PRKG1: variants seen among roughly 807,000 people sequenced by gnomAD.
PRKG1 encodes protein kinase cGMP-dependent 1.
In PRKG1, 35 loss-of-function variants were observed where a neutral mutation model predicts 88.1. That is an observed-to-expected ratio of 0.40 (90% CI 0.30 to 0.53). The LOEUF (loss-of-function observed/expected upper bound fraction) is 0.53. Ranked by LOEUF, PRKG1 falls within the 20% of genes least tolerant of loss-of-function variation. The pLI is 0.59. For synonymous variants in PRKG1, 303 were observed against 292.5 expected (o/e 1.04, Z -0.37); for missense variants, 540 against 839.8 (o/e 0.64, Z 4.41).
intron 3 of PRKG1, among the ~76,000 whole-genome samples, chr10:51,668,913 G>A (rs921792136): frequency 6.6e-6 from 1 of 151,990 alleles, no homozygotes; most frequent in Non-Finnish European, 1.5e-5. Flanking sequence ...GCTTTAGACG[G>A]AAGTGCTTAC....
chr10:51,608,185 A>G (rs1411556579), intron 3 of PRKG1, among the ~76,000 whole-genome samples: 1 of 149,932 alleles, frequency 6.7e-6, no homozygotes, highest in Non-Finnish European at 1.5e-5. Context: ...TGCATATACT[A>G]TAACCGTAAT....
At chr10:51,660,111 AAGG>A (rs1287344861) in intron 3 of PRKG1, among the ~76,000 whole-genome samples, 1 of 140,806 alleles carries the variant, frequency 7.1e-6, no homozygotes. Flanking sequence ...ATTCTCAAAG[AAGG>A]CCTAGGGAAG....
In PRKG1 at chr10:51,865,136, A is replaced by G. The variant is rs560158304; in HGVS notation, c.699-42371A>G. On this transcript the variant is annotated intron_variant, in intron 4 of 17. Coordinates refer to ENST00000373980, the MANE Select transcript of PRKG1 (RefSeq NM_006258.4). The stretch of plus-strand genomic sequence containing the variant: ...TTGCTGAATATCAGAGAATACTTGT[A>G]TTTCTTCAAAATCTAATCATTAAAG... Among the ~76,000 whole-genome samples the G allele has an allele frequency of 1.1e-4, 17 of 152,246 alleles. 1 individual carries two copies. In the South Asian group the frequency reaches 3.5e-3, roughly 32 times the overall value.
At chr10:51,986,937 AT>A (rs975267499) in intron 5 of PRKG1, among the ~76,000 whole-genome samples, 3 of 151,436 alleles carry the variant, frequency 2.0e-5, no homozygotes, top group African/African-American at 4.9e-5. Context: ...GTCTGTCAAG[AT>A]TTTTTTTTCA....
intron 7 of PRKG1, among the ~76,000 whole-genome samples, chr10:52,104,786 CAGT>C (rs1847375777): frequency 6.6e-6 from 1 of 152,158 alleles, no homozygotes; most frequent in South Asian, 2.1e-4. Flanking sequence ...GCTACCCTAT[CAGT>C]GGCACGTAAC....
chr10:51,613,880 T>C (rs1387238890), intron 3 of PRKG1, among the ~76,000 whole-genome samples: 3 of 151,918 alleles, frequency 2.0e-5, no homozygotes, highest in African/African-American at 7.2e-5. Context: ...TTAAAATTTG[T>C]TTAGACTTCT....
At chr10:51,073,488 C>T (rs551935536), upstream of PRKG1, among the ~76,000 whole-genome samples, 4 of 152,226 alleles carry the variant, frequency 2.6e-5, no homozygotes, top group African/African-American at 9.6e-5. Context: ...CCCCCACCCT[C>T]TCCCCGCCAA....
intron 5 of PRKG1, among the ~76,000 whole-genome samples, chr10:51,992,493 T>A (rs571547236): frequency 1.3e-5 from 2 of 149,076 alleles, no homozygotes; most frequent in African/African-American, 5.1e-5. Context: ...AACTATAACA[T>A]TTTTTTTTCC....
intron 4 of PRKG1, among the ~76,000 whole-genome samples, chr10:51,845,781 A>G: frequency 6.6e-6 from 1 of 152,236 alleles, no homozygotes; most frequent in East Asian, 1.9e-4. Flanking sequence ...AAGGGTTGTC[A>G]TACTTGCTAA....
chr10:51,764,145 A>G (rs1446479602), intron 3 of PRKG1, among the ~76,000 whole-genome samples: 1 of 152,212 alleles, frequency 6.6e-6, no homozygotes, highest in Admixed American at 6.5e-5. Context: ...TCAGGATTAC[A>G]GGCTTTTCCC....
At chr10:51,979,328 G>A (rs1454700535) in intron 5 of PRKG1, among the ~76,000 whole-genome samples, 2 of 146,648 alleles carry the variant, frequency 1.4e-5, no homozygotes, top group Non-Finnish European at 3.0e-5. Flanking sequence ...TGATGGATAC[G>A]CTTTTTGATG....
intron 5 of PRKG1, among the ~76,000 whole-genome samples, chr10:52,026,017 A>T (rs1202779219): frequency 6.6e-6 from 1 of 151,940 alleles, no homozygotes; most frequent in Non-Finnish European, 1.5e-5. Context: ...AATGCCACAC[A>T]TCTACAACCA....
intron 3 of PRKG1, among the ~76,000 whole-genome samples, chr10:51,608,638 A>G (rs1005641179): frequency 1.3e-5 from 2 of 152,226 alleles, no homozygotes; most frequent in Admixed American, 6.5e-5. Flanking sequence ...GATGGTCAGT[A>G]TCTAGTGTTA....
chr10:51,309,751 C>A (rs1841135853), intron 2 of PRKG1, among the ~76,000 whole-genome samples: 1 of 151,550 alleles, frequency 6.6e-6, no homozygotes, highest in Non-Finnish European at 1.5e-5. Flanking sequence ...GGGTATCTAC[C>A]CAAAGGAAAA....
At chr10:51,569,103 G>T (rs1275378559) in intron 3 of PRKG1, among the ~76,000 whole-genome samples, 1 of 151,944 alleles carries the variant, frequency 6.6e-6, no homozygotes, top group Admixed American at 6.6e-5. Context: ...GCAGAGTTTT[G>T]ATTTCTTCTT....
At chr10:51,029,878 A>T (rs1351703869) in intron 1 of PRKG1, among the ~76,000 whole-genome samples, 2 of 152,128 alleles carry the variant, frequency 1.3e-5, no homozygotes, top group Admixed American at 1.3e-4. Context: ...AACCTGGGGC[A>T]AGTAGGATAA....
intron 2 of PRKG1, among the ~76,000 whole-genome samples, chr10:51,251,342 A>G (rs1304679013): frequency 6.6e-6 from 1 of 151,768 alleles, no homozygotes; most frequent in African/African-American, 2.4e-5. Context: ...TCCTCTTAAA[A>G]GCATTTTTTA....
intron 9 of PRKG1, among the ~76,000 whole-genome samples, chr10:52,188,279 C>CATATATAT (rs1429310173): frequency 9.3e-6 from 1 of 107,326 alleles, no homozygotes; most frequent in African/African-American, 3.8e-5. Context: ...TATATATATA[C>CATATATAT]ATATATATGT....
chr10:52,168,339 G>A (rs151311043), intron 9 of PRKG1, among the ~76,000 whole-genome samples: 81 of 152,136 alleles, frequency 5.3e-4, no homozygotes, highest in Non-Finnish European at 8.7e-4. Flanking sequence ...TCTAGCTGGC[G>A]GAACAAATGG....
Sources: gnomAD v4.1 joint callset for allele counts (sites outside exome capture counted in the v4.1 genomes callset) on GRCh38, gnomAD v4.1.1 for gene constraint, MANE v1.5 for transcripts, NCBI Gene and HGNC (gene_info 2026-07-23, HGNC 2026-07-21) for gene names.